Variants in ADRA1A observed in about 807,000 individuals in gnomAD.
The protein encoded by ADRA1A is alpha-1A adrenergic receptor.
ADRA1A carries 31 observed loss-of-function variants against 29.6 expected under a neutral mutation model. The ratio of observed to expected loss-of-function variants is 1.05; its 90% CI spans 0.79 to 1.41. The LOEUF (loss-of-function observed/expected upper bound fraction) is 1.41. ADRA1A is among the 40% of genes most tolerant of loss of function. The pLI is 0.00. For synonymous variants in ADRA1A, 311 were observed against 254.3 expected, an observed-to-expected ratio of 1.22 and a Z score of -2.12; for missense variants, 619 against 601.1, an observed-to-expected ratio of 1.03 and a Z score of -0.31.
At chr8:26,802,225 G>A (rs1191012727) in intron 2 of ADRA1A, among the ~76,000 whole-genome samples, 1 of 152,168 alleles carries the variant, frequency 6.6e-6, no homozygotes, top group Non-Finnish European at 1.5e-5. Flanking sequence ...ACGGACAAAT[G>A]GGATCACATC....
In ADRA1A at chr8:26,769,695, G is replaced by A. The variant is rs369232996; in HGVS notation, c.*454C>T. 3.4e-5 allele frequency: 34 copies of A among 987,454 alleles called. No homozygotes were observed. In the African/African-American group the frequency reaches 4.9e-4, roughly 14 times the overall value. 61.2% of individuals were successfully genotyped at this position (987,454 alleles called of 1,614,324 possible). A position where few individuals can be genotyped will look rare whatever the true frequency, so the allele number is the denominator to read the frequency against. On this transcript the variant is annotated 3_prime_UTR_variant, in exon 3 of 3. Coordinates refer to ENST00000380573, the MANE Select transcript of ADRA1A (RefSeq NM_000680.4). The stretch of plus-strand genomic sequence containing the variant: ...CCATCTTAATGCTCTTCCTCTCTAG[G>A]CCCTCTCCCCATAAATGTCAAATGT...
At chr8:26,766,129 A>C, downstream of ADRA1A, 1 of 1,612,124 alleles carries the variant, frequency 6.2e-7, no homozygotes, top group Non-Finnish European at 8.5e-7. Context: ...TCTTGGTGAA[A>C]TATCTACAAT....
chr8:26,779,280 A>G (rs1163277627), intron 2 of ADRA1A: 6 of 702,080 alleles, frequency 8.5e-6, no homozygotes, highest in East Asian at 2.7e-5. Context: ...TTACATTCCA[A>G]CTGGTCACCA....
At chr8:26,765,857 G>A, downstream of ADRA1A, 3 of 1,410,736 alleles carry the variant, frequency 2.1e-6, no homozygotes, top group Non-Finnish European at 2.8e-6. Flanking sequence ...TGTGATCAGA[G>A]TGAAAAATTG....
At position 26,867,117 on chromosome 8, in the gene ADRA1A, T is replaced by G; in HGVS notation, c.-868A>C. ...TCCACCACTGATGTCTTTAAGCTCC[T>G]GAACCGCTGTCACTTTACCTGCATT... On this transcript the variant is annotated 5_prime_UTR_variant, in exon 1 of 3. Transcript: ENST00000380573. 5 of 985,406 alleles carry G rather than the reference T, an allele frequency of 5.1e-6. No homozygotes were observed. Among genetic ancestry groups the G allele is most frequent in the Non-Finnish European group, 6.0e-6 (5 of 829,934 alleles). The allele number at this position is 985,406 out of a possible 1,614,324, so 61.0% of individuals were successfully genotyped here. A position where few individuals can be genotyped will look rare whatever the true frequency, so the allele number is the denominator to read the frequency against.
In ADRA1A at chr8:26,775,053, C is replaced by T. The variant is rs1806444200; in HGVS notation, c.884-4387G>A. 7.1e-6 allele frequency among the ~76,000 whole-genome samples: 1 copy of T among 141,252 alleles called. No homozygotes were observed. The highest frequency in any genetic ancestry group is 2.3e-4 in the South Asian group (1 of 4,342). 92.7% of individuals were successfully genotyped at this position (141,252 alleles called of 152,430 possible). The stretch of plus-strand genomic sequence containing the variant: ...GGTTCAGGGGTGGGTGCCTCTGACC[C>T]AGTCACTCTGTGGGGAAGTCCATTC... On this transcript the variant is annotated intron_variant, in intron 2 of 2. Coordinates refer to ENST00000380573, the MANE Select transcript of ADRA1A (RefSeq NM_000680.4). The surrounding 1 kb of genome is among the most constrained non-coding windows in gnomAD (Gnocchi z 4.1).
At chr8:26,763,860 G>A (rs1356651439), downstream of ADRA1A, among the ~76,000 whole-genome samples, 1 of 152,166 alleles carries the variant, frequency 6.6e-6, no homozygotes, top group African/African-American at 2.4e-5. The surrounding 1 kb of genome is among the most constrained non-coding windows in gnomAD (Gnocchi z 4.5). Context: ...AAGAATGTGT[G>A]ATAGAGACTG....
intron 2 of ADRA1A, among the ~76,000 whole-genome samples, chr8:26,835,596 T>G (rs1319390569): frequency 6.6e-6 from 1 of 152,110 alleles, no homozygotes; most frequent in Non-Finnish European, 1.5e-5. Context: ...ATCACGAGAA[T>G]AGCATGGGGG....
chr8:26,809,420 C>A (rs1809230070), intron 2 of ADRA1A, among the ~76,000 whole-genome samples: 1 of 152,028 alleles, frequency 6.6e-6, no homozygotes. Flanking sequence ...GAAATGGAAC[C>A]AGAACCCTGA....
intron 2 of ADRA1A, among the ~76,000 whole-genome samples, chr8:26,783,027 C>A (rs1807107208): frequency 6.6e-6 from 1 of 152,176 alleles, no homozygotes; most frequent in Non-Finnish European, 1.5e-5. Context: ...CTGGCCACCA[C>A]CACGTCTAGC....
chr8:26,855,617 A>C (rs530159448), intron 2 of ADRA1A, among the ~76,000 whole-genome samples: 1 of 152,186 alleles, frequency 6.6e-6, no homozygotes, highest in Non-Finnish European at 1.5e-5. Flanking sequence ...ATTAGGACAA[A>C]TACCTAATGC....
chr8:26,856,592 A>G (rs1178124356), intron 2 of ADRA1A, among the ~76,000 whole-genome samples: 1 of 152,240 alleles, frequency 6.6e-6, no homozygotes, highest in East Asian at 1.9e-4. Context: ...AAGTCTTCGC[A>G]CGTTCTCTTC....
intron 2 of ADRA1A, among the ~76,000 whole-genome samples, chr8:26,791,005 C>T (rs1004583443): frequency 2.6e-5 from 4 of 152,156 alleles, no homozygotes; most frequent in African/African-American, 9.7e-5. Context: ...CATACACACA[C>T]TCACACACAC....
At chr8:26,811,883 A>G (rs926848343) in intron 2 of ADRA1A, among the ~76,000 whole-genome samples, 3 of 152,184 alleles carry the variant, frequency 2.0e-5, no homozygotes, top group African/African-American at 4.8e-5. Flanking sequence ...TGCGTGATTC[A>G]TTCACATTGT....
intron 2 of ADRA1A, among the ~76,000 whole-genome samples, chr8:26,786,832 G>A (rs567529423): frequency 1.3e-5 from 2 of 152,030 alleles, no homozygotes; most frequent in African/African-American, 4.8e-5. Context: ...TGATTATGTG[G>A]GTGATGATTT....
At chr8:26,793,481 G>A (rs1366637612) in intron 2 of ADRA1A, among the ~76,000 whole-genome samples, 1 of 151,778 alleles carries the variant, frequency 6.6e-6, no homozygotes, top group African/African-American at 2.4e-5. Flanking sequence ...TTAAAACAAA[G>A]GAAGCAAAAA....
intron 2 of ADRA1A, among the ~76,000 whole-genome samples, chr8:26,750,142 G>A (rs60598699): frequency 0.027 from 4,121 of 152,232 alleles, 180 homozygotes; most frequent in African/African-American, 0.093. Flanking sequence ...ATAGGTGGCC[G>A]TCTCCTCGCT....
At chr8:26,839,205 CTGG>C (rs1346474698) in intron 2 of ADRA1A, among the ~76,000 whole-genome samples, 2 of 142,942 alleles carry the variant, frequency 1.4e-5, no homozygotes, top group African/African-American at 5.2e-5. Context: ...TACGCCCAGG[CTGG>C]AGTGCAGTGG....
Position 26,848,264 on chromosome 8 carries a change from A to G in ADRA1A, c.883+15823T>C, listed in dbSNP as rs1193640990. Among the ~76,000 whole-genome samples, 1 of 152,228 alleles carries G rather than the reference A, an allele frequency of 6.6e-6. No homozygotes were observed. Among genetic ancestry groups the G allele is most frequent in the Non-Finnish European group, 1.5e-5 (1 of 68,042 alleles). Reference sequence around the variant, plus strand: ...TAGACACAGTAAGTGCCATGCAAGTACCACTAATATGGATGGAAAGTTTGT... The same window carrying G: ...TAGACACAGTAAGTGCCATGCAAGTGCCACTAATATGGATGGAAAGTTTGT... On this transcript the variant is annotated intron_variant, in intron 2 of 2. Coordinates refer to ENST00000380573, the MANE Select transcript of ADRA1A (RefSeq NM_000680.4). This position sits in a 1 kb window ranked among gnomAD's most constrained non-coding sequence, Gnocchi z 4.3.
Sources: gnomAD v4.1 joint callset for allele counts (sites outside exome capture counted in the v4.1 genomes callset) on GRCh38, gnomAD v4.1.1 for gene constraint, Gnocchi (gnomAD v3.1) non-coding constraint, MANE v1.5 for transcripts, NCBI Gene and HGNC (gene_info 2026-07-23, HGNC 2026-07-21) for gene names.